NAF1: variants seen among roughly 807,000 people sequenced by gnomAD.
NAF1 encodes nuclear assembly factor 1 ribonucleoprotein.
Under a neutral mutation model 40.6 loss-of-function variants are expected in NAF1, and 11 were observed. The ratio of observed to expected loss-of-function variants is 0.27; its 90% CI spans 0.17 to 0.45. NAF1 has a LOEUF of 0.45. Among genes scored for constraint, NAF1 ranks in the 20% least tolerant of loss-of-function variants. The pLI is 1.00. For synonymous variants in NAF1, 260 were observed against 228.5 expected, an observed-to-expected ratio of 1.14 and a Z score of -1.24; for missense variants, 607 against 611.1, an observed-to-expected ratio of 0.99 and a Z score of 0.07.
chr4:163,110,047 C>T, downstream of NAF1: 1 of 440,036 alleles, frequency 2.3e-6, no homozygotes, highest in South Asian at 6.6e-5. Context: ...ATTAAGTATG[C>T]AGATATGGAG....
chr4:163,136,339 A>C (rs1309591029), intron 6 of NAF1: 3 of 139,114 alleles, frequency 2.2e-5, no homozygotes, highest in East Asian at 2.0e-4. Context: ...GTTAAAAAAA[A>C]AAAAAACAAA....
downstream of NAF1, among the ~76,000 whole-genome samples, chr4:163,105,436 T>C (rs182067080): frequency 3.3e-5 from 5 of 152,314 alleles, no homozygotes; most frequent in African/African-American, 4.8e-5. Flanking sequence ...TGGAGGCAAA[T>C]AGAATAATCA....
intron 2 of NAF1, among the ~76,000 whole-genome samples, chr4:163,121,349 G>T (rs118132563): frequency 1.3e-5 from 2 of 152,076 alleles, no homozygotes; most frequent in East Asian, 3.9e-4. Context: ...GATTGGACTG[G>T]GTTACAAAAT....
chr4:163,162,853 C>G (rs1732281784), intron 2 of NAF1, among the ~76,000 whole-genome samples: 1 of 152,208 alleles, frequency 6.6e-6, no homozygotes, highest in African/African-American at 2.4e-5. Context: ...GAACTCAGTC[C>G]TCAAAGAACT....
intron 3 of NAF1, 65 bp downstream of exon 3, chr4:163,148,276 A>G: frequency 1.0e-6 from 1 of 977,092 alleles, no homozygotes; most frequent in Non-Finnish European, 1.5e-6. Flanking sequence ...TAGTCATAAA[A>G]GTCATTGATT....
intron 2 of NAF1, 52 bp from the exon 3 acceptor site, chr4:163,148,486 T>A: frequency 8.0e-7 from 1 of 1,256,782 alleles, no homozygotes; most frequent in Non-Finnish European, 1.1e-6. Context: ...TTCAACAACT[T>A]AAAAAAAATA....
chr4:163,123,949 G>A (rs1730582760), downstream of NAF1, among the ~76,000 whole-genome samples: 1 of 152,192 alleles, frequency 6.6e-6, no homozygotes, highest in Non-Finnish European at 1.5e-5. Flanking sequence ...TAAGATTAAG[G>A]TGAGGATAAT....
chr4:163,110,529 C>T (rs1730129197), intron 2 of NAF1, among the ~76,000 whole-genome samples: 1 of 152,090 alleles, frequency 6.6e-6, no homozygotes, highest in Admixed American at 6.6e-5. Flanking sequence ...TGGAACATAT[C>T]CCCCAAGGCT....
chr4:163,132,857 G>T (rs1730922613), intron 7 of NAF1, among the ~76,000 whole-genome samples: 1 of 152,182 alleles, frequency 6.6e-6, no homozygotes, highest in African/African-American at 2.4e-5. Context: ...TGATTTAGGG[G>T]TTCATCAAGT....
chr4:163,166,251 C>T, intron 1 of NAF1, 112 bp downstream of exon 1: 2 of 1,355,696 alleles, frequency 1.5e-6, no homozygotes, highest in Non-Finnish European at 2.0e-6. Context: ...CACCAACGAC[C>T]TGCCCACCCT....
intron 2 of NAF1, among the ~76,000 whole-genome samples, chr4:163,153,128 C>T (rs999078758): frequency 2.6e-5 from 4 of 152,222 alleles, no homozygotes; most frequent in Admixed American, 2.0e-4. Context: ...TGAGCCTTCC[C>T]CCGCCTCCGT....
At chr4:163,112,028 AGAGGAAATGG>A (rs1730175862) in intron 2 of NAF1, among the ~76,000 whole-genome samples, 1 of 152,136 alleles carries the variant, frequency 6.6e-6, no homozygotes, top group Non-Finnish European at 1.5e-5. Flanking sequence ...AATAAGCTAC[AGAGGAAATGG>A]GAGAAGAGGA....
intron 5 of NAF1, among the ~76,000 whole-genome samples, chr4:163,138,974 GTTAT>G (rs1489799330): frequency 1.3e-5 from 2 of 151,994 alleles, no homozygotes; most frequent in Non-Finnish European, 2.9e-5. Context: ...TCTTGTCAGT[GTTAT>G]TTAAGAAAAT....
At chr4:163,150,699 T>C (rs1250770476) in intron 2 of NAF1, among the ~76,000 whole-genome samples, 1 of 152,036 alleles carries the variant, frequency 6.6e-6, no homozygotes, top group African/African-American at 2.4e-5. Context: ...AACATATATC[T>C]GCCCTTTCAA....
chr4:163,146,607 A>C (rs1182345563), intron 3 of NAF1, among the ~76,000 whole-genome samples: 1 of 152,234 alleles, frequency 6.6e-6, no homozygotes, highest in Non-Finnish European at 1.5e-5. Flanking sequence ...ATTACCTCAG[A>C]TTATCAAAAT....
intron 6 of NAF1, chr4:163,135,246 T>C (rs1003574471): frequency 4.6e-5 from 7 of 152,290 alleles, no homozygotes; most frequent in Non-Finnish European, 8.8e-5. Flanking sequence ...ACCTCACAAA[T>C]TTCTAATTTT....
intron 4 of NAF1, among the ~76,000 whole-genome samples, chr4:163,141,406 T>G (rs1200304125): frequency 1.3e-5 from 2 of 152,142 alleles, no homozygotes; most frequent in Non-Finnish European, 2.9e-5. Flanking sequence ...CAGTATAGAT[T>G]TTTCCAGTCT....
At position 163,166,705 on chromosome 4, in the gene NAF1, G is replaced by A; in HGVS notation, c.23C>T (p.Ala8Val). 1 of 1,613,260 alleles carries A rather than the reference G, an allele frequency of 6.2e-7. No individual in the cohort carries two copies. Among genetic ancestry groups the A allele is most frequent in the Non-Finnish European group, 8.5e-7 (1 of 1,179,962 alleles). Reference protein sequence around the residue: MEVVEAAAAQLETLKFNG... With the variant: MEVVEAAVAQLETLKFNG... ...GAATTTCAGAGTTTCCAGCTGAGCGGCGGCGGCCTCCACTACCTCCATCGC... is the reference window on the plus strand; with the variant it reads ...GAATTTCAGAGTTTCCAGCTGAGCGACGGCGGCCTCCACTACCTCCATCGC... The change falls in exon 1 of 8, where the codon GCC (alanine) becomes GTC (valine). Residue 8 changes from alanine (A) to valine (V), a missense_variant. By Grantham distance (64) the Ala-to-Val change is moderately conservative. Around this residue, in one of 3 missense-constraint regions of NAF1, gnomAD observed 407 missense variants for 365.5 expected, o/e 1.11. Coordinates refer to ENST00000274054, the MANE Select transcript of NAF1 (RefSeq NM_138386.3).
intron 5 of NAF1, among the ~76,000 whole-genome samples, chr4:163,139,090 CA>C (rs778187547): frequency 9.9e-5 from 15 of 152,046 alleles, no homozygotes; most frequent in Non-Finnish European, 1.8e-4. Context: ...TCAAAATTTT[CA>C]TCTCTGAAAT....
Sources: gnomAD v4.1 joint callset for allele counts (sites outside exome capture counted in the v4.1 genomes callset) on GRCh38, gnomAD v4.1.1 for gene constraint, gnomAD v4.1.1 regional missense constraint, MANE v1.5 for transcripts, NCBI Gene and HGNC (gene_info 2026-07-23, HGNC 2026-07-21) for gene names.